BMAL2: variants seen among roughly 807,000 people sequenced by gnomAD.
The protein encoded by BMAL2 is basic helix-loop-helix ARNT-like protein 2.
At chr12:27,382,505 G>T in the BMAL2 span, among the ~76,000 whole-genome samples, 1 of 152,184 alleles carries the variant, frequency 6.6e-6, no homozygotes, top group Admixed American at 6.5e-5. Context: ...CAGGGAGGAG[G>T]TGAGTCCAGA....
chr12:27,420,169 G>T, the BMAL2 span, among the ~76,000 whole-genome samples: 1 of 152,078 alleles, frequency 6.6e-6, no homozygotes, highest in Non-Finnish European at 1.5e-5. Flanking sequence ...GATGAATTAG[G>T]TGCAATTTAT....
At chr12:27,378,538 G>A in the BMAL2 span, among the ~76,000 whole-genome samples, 19 of 152,336 alleles carry the variant, frequency 1.2e-4, no homozygotes, top group South Asian at 4.1e-4. Flanking sequence ...GTCTTCAGGC[G>A]TTGCTGCTGT....
the BMAL2 span, among the ~76,000 whole-genome samples, chr12:27,418,424 A>G: frequency 6.6e-6 from 1 of 150,760 alleles, no homozygotes; most frequent in Non-Finnish European, 1.5e-5. Context: ...ACATAGCAAT[A>G]ACCCATCCCT....
the BMAL2 span, chr12:27,421,833 G>A: frequency 6.6e-6 from 1 of 152,062 alleles, no homozygotes; most frequent in Admixed American, 6.5e-5. Flanking sequence ...ATATAAACCA[G>A]TTTCTTTATA....
chr12:27,360,059 A>AT, the BMAL2 span, among the ~76,000 whole-genome samples: 1 of 150,040 alleles, frequency 6.7e-6, no homozygotes, highest in Non-Finnish European at 1.5e-5. Flanking sequence ...TTTAAAAAAA[A>AT]AAAAAAAAAA....
At chr12:27,388,396 A>G in the BMAL2 span, among the ~76,000 whole-genome samples, 3 of 152,174 alleles carry the variant, frequency 2.0e-5, no homozygotes, top group Non-Finnish European at 4.4e-5. Context: ...GCCTGCTTAT[A>G]TCGGCTGGTC....
chr12:27,385,620 G>C, the BMAL2 span: 1 of 1,167,480 alleles, frequency 8.6e-7, no homozygotes, highest in Non-Finnish European at 1.3e-6. Flanking sequence ...TTGAATAGGA[G>C]GCAGATTTTC....
At chr12:27,412,165 A>T in the BMAL2 span, among the ~76,000 whole-genome samples, 83 of 152,332 alleles carry the variant, frequency 5.4e-4, no homozygotes, top group African/African-American at 1.8e-3. Context: ...GACCATATAT[A>T]CTGCAAGGGC....
the BMAL2 span, among the ~76,000 whole-genome samples, chr12:27,380,774 C>T: frequency 6.6e-6 from 1 of 152,008 alleles, no homozygotes. Flanking sequence ...CTTTGGGAGG[C>T]TGAGGTGGGC....
chr12:27,419,080 A>C, the BMAL2 span, among the ~76,000 whole-genome samples: 3 of 152,196 alleles, frequency 2.0e-5, no homozygotes, highest in Non-Finnish European at 4.4e-5. Flanking sequence ...ATTAAAACCA[A>C]GGTATTTCTA....
At chr12:27,407,184 C>T in the BMAL2 span, among the ~76,000 whole-genome samples, 2 of 152,102 alleles carry the variant, frequency 1.3e-5, no homozygotes, top group African/African-American at 2.4e-5. Context: ...GACAGATCAA[C>T]GAGACAGAAA....
At chr12:27,333,189 C>G in the BMAL2 span, 7 of 1,173,732 alleles carry the variant, frequency 6.0e-6, no homozygotes, top group African/African-American at 1.1e-4. Flanking sequence ...GCCAGGTCTG[C>G]CCCCGCTGCC....
At chr12:27,414,228 A>G in the BMAL2 span, among the ~76,000 whole-genome samples, 3 of 152,234 alleles carry the variant, frequency 2.0e-5, no homozygotes, top group South Asian at 2.1e-4. Context: ...CAGCAATACA[A>G]TATTAGTAGG....
At chr12:27,418,197 G>T in the BMAL2 span, 1 of 1,598,466 alleles carries the variant, frequency 6.3e-7, no homozygotes, top group Non-Finnish European at 8.5e-7. Flanking sequence ...CCACTCCTCA[G>T]TAAGTTTTCT....
chr12:27,352,352 A>C, the BMAL2 span, among the ~76,000 whole-genome samples: 2 of 152,232 alleles, frequency 1.3e-5, no homozygotes, highest in African/African-American at 4.8e-5. Flanking sequence ...ACCTGTCCTC[A>C]TGTGACGGGT....
At chr12:27,392,999 C>G in the BMAL2 span, among the ~76,000 whole-genome samples, 1 of 152,138 alleles carries the variant, frequency 6.6e-6, no homozygotes. Flanking sequence ...TTTTCAGCCT[C>G]TGTATTCTCT....
chr12:27,420,232 A>G, the BMAL2 span, among the ~76,000 whole-genome samples: 4 of 152,228 alleles, frequency 2.6e-5, no homozygotes, highest in African/African-American at 9.6e-5. Flanking sequence ...TACATCAGCC[A>G]TCTGCAGCTT....
the BMAL2 span, among the ~76,000 whole-genome samples, chr12:27,358,782 G>T: frequency 6.6e-6 from 1 of 152,028 alleles, no homozygotes; most frequent in Non-Finnish European, 1.5e-5. Context: ...TAAACTTCTC[G>T]AGGGTAGGTA....
the BMAL2 span, among the ~76,000 whole-genome samples, chr12:27,419,824 T>G: frequency 6.6e-6 from 1 of 152,198 alleles, no homozygotes; most frequent in East Asian, 1.9e-4. Flanking sequence ...CTAGAACCTT[T>G]TATCTCTAAA....
Sources: allele counts gnomAD v4.1 joint callset (sites outside exome capture counted in the v4.1 genomes callset), GRCh38; gene constraint gnomAD v4.1.1; transcripts MANE v1.5; gene names NCBI Gene and HGNC (gene_info 2026-07-23, HGNC 2026-07-21).